The following CCDC73 variants were observed in gnomAD, a reference collection of about 807,000 sequenced individuals.
CCDC73 encodes coiled-coil domain containing 73, also known as coiled-coil domain-containing protein 73.
In CCDC73, 95 loss-of-function variants were observed where a neutral mutation model predicts 116.5. The observed-to-expected ratio is 0.82, with a 90% CI of 0.69 to 0.97. The LOEUF is 0.97. Among genes scored for constraint, CCDC73 ranks in the 50% least tolerant of loss-of-function variants. CCDC73 has a pLI of 0.00. For synonymous variants in CCDC73, 398 were observed against 401.3 expected (o/e 0.99, Z 0.10); for missense variants, 1,066 against 1,206.8 (o/e 0.88, Z 1.73).
At chr11:32,739,950 T>C (rs1248786031) in intron 2 of CCDC73, among the ~76,000 whole-genome samples, 1 of 152,158 alleles carries the variant, frequency 6.6e-6, no homozygotes, top group African/African-American at 2.4e-5. Context: ...GTTATATGTT[T>C]GTCCTTCATT....
chr11:32,729,109 C>G (rs1252262200), intron 2 of CCDC73, among the ~76,000 whole-genome samples: 6 of 151,940 alleles, frequency 3.9e-5, no homozygotes, highest in Non-Finnish European at 8.8e-5. Context: ...CTGCACAGAT[C>G]AACCCATCAC....
intron 3 of CCDC73, among the ~76,000 whole-genome samples, chr11:32,712,555 T>C (rs1195212483): frequency 8.5e-6 from 1 of 117,970 alleles, no homozygotes; most frequent in Non-Finnish European, 1.7e-5. Flanking sequence ...TATTTTTCAA[T>C]TAAAATAAAG....
intron 9 of CCDC73, among the ~76,000 whole-genome samples, chr11:32,673,742 C>T (rs1856060001): frequency 6.6e-6 from 1 of 152,150 alleles, no homozygotes; most frequent in Non-Finnish European, 1.5e-5. Context: ...AGATGGCAAA[C>T]ATCAACTAGG....
chr11:32,783,021 AG>A (rs1167235557), intron 1 of CCDC73, among the ~76,000 whole-genome samples: 1 of 152,186 alleles, frequency 6.6e-6, no homozygotes, highest in Non-Finnish European at 1.5e-5. Flanking sequence ...ATCATCAAAA[AG>A]TTTCTAAATC....
intron 2 of CCDC73, among the ~76,000 whole-genome samples, chr11:32,743,206 C>T (rs1401302777): frequency 6.6e-6 from 1 of 152,138 alleles, no homozygotes; most frequent in Non-Finnish European, 1.5e-5. Flanking sequence ...TCAGTGGTAG[C>T]TTGATGGGGA....
intron 9 of CCDC73, among the ~76,000 whole-genome samples, chr11:32,666,652 C>T (rs1855985314): frequency 6.6e-6 from 1 of 152,208 alleles, no homozygotes; most frequent in African/African-American, 2.4e-5. Context: ...GCCTTCTGCT[C>T]TCAACCCGTC....
intron 1 of CCDC73, among the ~76,000 whole-genome samples, chr11:32,766,337 C>A (rs1850441788): frequency 6.6e-6 from 1 of 152,048 alleles, no homozygotes; most frequent in Non-Finnish European, 1.5e-5. Context: ...TATGACAAAC[C>A]CACAGCCAAT....
At chr11:32,656,967 GT>G (rs1317492012) in intron 9 of CCDC73, among the ~76,000 whole-genome samples, 2 of 151,974 alleles carry the variant, frequency 1.3e-5, no homozygotes, top group African/African-American at 4.8e-5. Context: ...AACATTTTTT[GT>G]AGTTTTAAAA....
chr11:32,704,662 T>A (rs909109182), intron 3 of CCDC73, among the ~76,000 whole-genome samples: 2 of 152,206 alleles, frequency 1.3e-5, no homozygotes, highest in African/African-American at 4.8e-5. Context: ...GCCTGAAGCC[T>A]GGGGACCAGG....
chr11:32,735,148 T>G (rs1236755082), intron 2 of CCDC73, among the ~76,000 whole-genome samples: 1 of 152,150 alleles, frequency 6.6e-6, no homozygotes, highest in Non-Finnish European at 1.5e-5. Context: ...CTATTCAACA[T>G]AGTGTTGGAA....
At chr11:32,818,665 A>T in the CCDC73 span, among the ~76,000 whole-genome samples, 2 of 152,242 alleles carry the variant, frequency 1.3e-5, no homozygotes, top group African/African-American at 2.4e-5. Context: ...CCAAATGTCT[A>T]TCAGCTAATG....
intron 9 of CCDC73, among the ~76,000 whole-genome samples, chr11:32,660,586 A>G (rs1268209324): frequency 1.3e-5 from 2 of 152,108 alleles, no homozygotes; most frequent in East Asian, 3.8e-4. Context: ...GCACTTTGGG[A>G]GGCTGAGGCA....
intron 11 of CCDC73, 60 bp from the exon 12 acceptor site, chr11:32,653,287 C>A (rs971869736): frequency 2.9e-6 from 3 of 1,021,614 alleles, no homozygotes; most frequent in South Asian, 2.9e-5. Flanking sequence ...TTTCTAAAAT[C>A]ATTCTTCACA....
chr11:32,779,263 C>CAA (rs34184527), intron 1 of CCDC73, among the ~76,000 whole-genome samples: 25,593 of 109,744 alleles, frequency 0.23, 2,989 homozygotes, highest in East Asian at 0.61. Flanking sequence ...TCATGTGGGG[C>CAA]AAAAAAAAAA....
At chr11:32,650,703 A>G (rs982183914) in intron 12 of CCDC73, among the ~76,000 whole-genome samples, 1 of 152,102 alleles carries the variant, frequency 6.6e-6, no homozygotes, top group Non-Finnish European at 1.5e-5. Flanking sequence ...TCCCTCTTCT[A>G]TAGTATTTGG....
chr11:32,797,919 T>A (rs1162348505), upstream of CCDC73, among the ~76,000 whole-genome samples: 1 of 152,210 alleles, frequency 6.6e-6, no homozygotes, highest in East Asian at 1.9e-4. Flanking sequence ...AATCTGAAAC[T>A]TTTTGAGCAC....
chr11:32,744,679 T>C (rs1850218836), intron 2 of CCDC73, among the ~76,000 whole-genome samples: 1 of 152,224 alleles, frequency 6.6e-6, no homozygotes. Context: ...TTCTAGATTT[T>C]CTAGTTTATA....
chr11:32,763,056 GC>G (rs1850406355), intron 1 of CCDC73, among the ~76,000 whole-genome samples: 1 of 152,156 alleles, frequency 6.6e-6, no homozygotes. Flanking sequence ...GAGGAAGGGC[GC>G]CCACCATTGC....
chr11:32,807,952 AT>A, the CCDC73 span, among the ~76,000 whole-genome samples: 1 of 152,176 alleles, frequency 6.6e-6, no homozygotes, highest in African/African-American at 2.4e-5. Flanking sequence ...AGTTTAGAAA[AT>A]TTTCTGATTC....
Sources: allele counts gnomAD v4.1 joint callset (sites outside exome capture counted in the v4.1 genomes callset), GRCh38; gene constraint gnomAD v4.1.1; transcripts MANE v1.5; gene names NCBI Gene and HGNC (gene_info 2026-07-23, HGNC 2026-07-21).